The following ABTB2 variants were observed in gnomAD, a reference collection of about 807,000 sequenced individuals.
ABTB2 encodes the protein ankyrin repeat and BTB domain containing 2, also known as ankyrin repeat and BTB/POZ domain-containing protein 2.
ABTB2 carries 56 observed loss-of-function variants against 104.1 expected under a neutral mutation model. The observed-to-expected ratio is 0.54, with a 90% CI of 0.43 to 0.67. The LOEUF (loss-of-function observed/expected upper bound fraction) is 0.67. ABTB2 is among the 30% of genes least tolerant of loss of function. The pLI is 0.00. For missense variants in ABTB2, 1,279 were observed against 1,407.7 expected, an observed-to-expected ratio of 0.91 and a Z score of 1.46; for synonymous variants, 606 against 608.2, an observed-to-expected ratio of 1.00 and a Z score of 0.05.
At chr11:34,186,166 C>A (rs895864826) in intron 3 of ABTB2, among the ~76,000 whole-genome samples, 2 of 152,222 alleles carry the variant, frequency 1.3e-5, no homozygotes, top group South Asian at 2.1e-4. Flanking sequence ...TGAACTCGGC[C>A]GGGAACAGAA....
intron 1 of ABTB2, among the ~76,000 whole-genome samples, chr11:34,251,238 G>C (rs1854052118): frequency 6.6e-6 from 1 of 152,210 alleles, no homozygotes. Flanking sequence ...CCATGGGCGT[G>C]GGCTCTGCAC....
intron 1 of ABTB2, among the ~76,000 whole-genome samples, chr11:34,210,079 C>T (rs542845907): frequency 4.6e-5 from 7 of 152,200 alleles, no homozygotes; most frequent in East Asian, 1.9e-4. Flanking sequence ...CTTGCAGAGG[C>T]GCTGTCTCTT....
intron 1 of ABTB2, among the ~76,000 whole-genome samples, chr11:34,353,421 A>G (rs1353811874): frequency 2.0e-5 from 3 of 152,096 alleles, no homozygotes; most frequent in Admixed American, 6.5e-5. Context: ...GGATGCGAAA[A>G]GTTTCTATTT....
At chr11:34,307,402 C>A (rs1288553327) in intron 1 of ABTB2, among the ~76,000 whole-genome samples, 1 of 152,202 alleles carries the variant, frequency 6.6e-6, no homozygotes, top group Non-Finnish European at 1.5e-5. Context: ...ATATGCATAA[C>A]CTGTATTACC....
intron 3 of ABTB2, among the ~76,000 whole-genome samples, chr11:34,186,765 C>T (rs1051336896): frequency 2.6e-5 from 4 of 152,186 alleles, no homozygotes; most frequent in East Asian, 1.9e-4. Flanking sequence ...ATCCCTGGCT[C>T]GCTCCTTCTC....
intron 1 of ABTB2, among the ~76,000 whole-genome samples, chr11:34,332,521 T>C (rs568838513): frequency 6.6e-6 from 1 of 152,278 alleles, no homozygotes; most frequent in South Asian, 2.1e-4. Context: ...TTTTAGCCAA[T>C]CACAGGGGTA....
chr11:34,265,588 G>A (rs1854237764), intron 1 of ABTB2, among the ~76,000 whole-genome samples: 2 of 150,582 alleles, frequency 1.3e-5, no homozygotes, highest in Middle Eastern at 3.4e-3. Context: ...AACCCGGGAG[G>A]TGGAGGTTGC....
At chr11:34,191,147 T>C (rs1462339899) in intron 3 of ABTB2, among the ~76,000 whole-genome samples, 1 of 152,136 alleles carries the variant, frequency 6.6e-6, no homozygotes, top group Non-Finnish European at 1.5e-5. Context: ...CATGCACCTA[T>C]AGTCCCAGCT....
chr11:34,311,769 G>A (rs1158568636), intron 1 of ABTB2, among the ~76,000 whole-genome samples: 1 of 152,158 alleles, frequency 6.6e-6, no homozygotes, highest in Non-Finnish European at 1.5e-5. Context: ...TACAGTAAAG[G>A]ATGGAACAGG....
At chr11:34,352,114 C>T (rs1313769731) in intron 1 of ABTB2, among the ~76,000 whole-genome samples, 1 of 152,166 alleles carries the variant, frequency 6.6e-6, no homozygotes, top group Non-Finnish European at 1.5e-5. Flanking sequence ...TTGCTTCTCT[C>T]AGTAGAAATT....
rs1852554006 is a variant in ABTB2, at chr11:34,152,338, G to A, written c.*49C>T. On this transcript the variant is annotated 3_prime_UTR_variant, in exon 17 of 17. Transcript: ENST00000435224. ...CTACAACCATACCCCGACATGGTGG[G>A]CCCTGGCACCTCCACAGGCCCTGGC... 6.6e-7 allele frequency: 1 copy of A among 1,524,948 alleles called. No homozygotes were observed. Among genetic ancestry groups the A allele is most frequent in the Non-Finnish European group, 8.8e-7 (1 of 1,133,438 alleles). The allele number at this position is 1,524,948 out of a possible 1,614,324, so 94.5% of individuals were successfully genotyped here.
chr11:34,250,806 C>T (rs7122866), intron 1 of ABTB2, among the ~76,000 whole-genome samples: 20,454 of 152,172 alleles, frequency 0.13, 1,799 homozygotes, highest in African/African-American at 0.24. Context: ...GAGATCCTAC[C>T]AGGTGTGTAA....
chr11:34,329,380 C>T (rs545586013), intron 1 of ABTB2, among the ~76,000 whole-genome samples: 1 of 152,330 alleles, frequency 6.6e-6, no homozygotes, highest in African/African-American at 2.4e-5. Flanking sequence ...CCACTCCACC[C>T]CCCTGCCCAG....
At chr11:34,293,229 G>C (rs912017046) in intron 1 of ABTB2, among the ~76,000 whole-genome samples, 3 of 152,186 alleles carry the variant, frequency 2.0e-5, no homozygotes, top group South Asian at 2.1e-4. Flanking sequence ...GTCGAGGGGG[G>C]GCCCAGGGAG....
intron 1 of ABTB2, chr11:34,335,196 CA>C: frequency 7.9e-7 from 1 of 1,268,748 alleles, no homozygotes; most frequent in Admixed American, 1.7e-5. Context: ...ACGGGTACCC[CA>C]GAGACTATGA....
At chr11:34,270,823 G>A (rs1854305961) in intron 1 of ABTB2, among the ~76,000 whole-genome samples, 2 of 152,192 alleles carry the variant, frequency 1.3e-5, no homozygotes, top group African/African-American at 4.8e-5. Context: ...TTAGATGATA[G>A]CATATCGTCA....
chr11:34,353,980 C>T (rs1392648851), intron 1 of ABTB2, among the ~76,000 whole-genome samples: 1 of 152,222 alleles, frequency 6.6e-6, no homozygotes, highest in East Asian at 1.9e-4. Flanking sequence ...GCAGTGTATG[C>T]TTCCCTCTGA....
intron 1 of ABTB2, among the ~76,000 whole-genome samples, chr11:34,325,764 A>C (rs772720109): frequency 2.0e-5 from 3 of 152,010 alleles, no homozygotes; most frequent in South Asian, 2.1e-4. Flanking sequence ...CAGCCTGGCC[A>C]AAACAGCAAA....
At chr11:34,320,937 C>T (rs1420679205) in intron 1 of ABTB2, among the ~76,000 whole-genome samples, 1 of 152,200 alleles carries the variant, frequency 6.6e-6, no homozygotes, top group Non-Finnish European at 1.5e-5. Context: ...AATCCCAGCA[C>T]TTTGGGAGGC....
Sources: allele counts gnomAD v4.1 joint callset (sites outside exome capture counted in the v4.1 genomes callset), GRCh38; gene constraint gnomAD v4.1.1; transcripts MANE v1.5; gene names NCBI Gene and HGNC (gene_info 2026-07-23, HGNC 2026-07-21).